CDYL2: variants seen among roughly 807,000 people sequenced by gnomAD.
The protein encoded by CDYL2 is chromodomain Y like 2, also known as chromodomain Y-like protein 2.
CDYL2 carries 23 observed loss-of-function variants against 49.4 expected under a neutral mutation model. The ratio of observed to expected loss-of-function variants is 0.47; its 90% CI spans 0.34 to 0.66. CDYL2 has a LOEUF of 0.66. CDYL2 is among the 30% of genes least tolerant of loss of function. CDYL2 has a pLI of 0.01. For missense variants in CDYL2, 678 were observed against 656.4 expected, an observed-to-expected ratio of 1.03 and a Z score of -0.36; for synonymous variants, 360 against 268.8, an observed-to-expected ratio of 1.34 and a Z score of -3.32.
At chr16:80,772,118 C>T (rs1906924856) in intron 1 of CDYL2, among the ~76,000 whole-genome samples, 1 of 152,102 alleles carries the variant, frequency 6.6e-6, no homozygotes, top group Admixed American at 6.5e-5. Context: ...TAACTGCAGT[C>T]CGATAATTCT....
chr16:80,787,877 C>A (rs574033927), intron 1 of CDYL2, among the ~76,000 whole-genome samples: 2 of 152,002 alleles, frequency 1.3e-5, no homozygotes, highest in Admixed American at 6.6e-5. Flanking sequence ...TTTTTAATGC[C>A]AAGCATGCAG....
chr16:80,778,206 T>A (rs964657193), intron 1 of CDYL2, among the ~76,000 whole-genome samples: 6 of 152,026 alleles, frequency 3.9e-5, no homozygotes, highest in African/African-American at 1.2e-4. Context: ...ACTTCTTTAA[T>A]TCATGGTGAA....
At chr16:80,632,155 G>C (rs1046842265) in intron 3 of CDYL2, among the ~76,000 whole-genome samples, 1 of 151,930 alleles carries the variant, frequency 6.6e-6, no homozygotes, top group Non-Finnish European at 1.5e-5. Context: ...ATCAAAAGTA[G>C]AAACAAGCCA....
At chr16:80,677,748 A>T (rs559314906) in intron 2 of CDYL2, among the ~76,000 whole-genome samples, 4,112 of 151,448 alleles carry the variant, frequency 0.027, 93 homozygotes, top group African/African-American at 0.057. Flanking sequence ...CAAAAAAATA[A>T]AAATAAAAAT....
At position 80,600,934 on chromosome 16, in the gene CDYL2, T is replaced by C. The variant is rs1906055527; in HGVS notation, c.*3454A>G. On this transcript the variant is annotated 3_prime_UTR_variant, in exon 7 of 7. Coordinates refer to ENST00000570137, the MANE Select transcript of CDYL2 (RefSeq NM_152342.4). ...GATTATTATTTTTCCATCCTTGTAC[T>C]AAACTTCACATGGGAAAAACATTTT... is the stretch of plus-strand genomic sequence containing the variant. 6.6e-6 allele frequency: 1 copy of C among 152,238 alleles called. No individual in the cohort carries two copies. Among genetic ancestry groups the C allele is most frequent in the African/African-American group, 2.4e-5 (1 of 41,460 alleles). 9.4% of individuals were successfully genotyped at this position (152,238 alleles called of 1,614,324 possible). A position where few individuals can be genotyped will look rare whatever the true frequency, so the allele number is the denominator to read the frequency against.
intron 1 of CDYL2, among the ~76,000 whole-genome samples, chr16:80,716,710 G>C (rs1343976084): frequency 6.6e-6 from 1 of 152,012 alleles, no homozygotes; most frequent in Non-Finnish European, 1.5e-5. Context: ...TGAATGGATA[G>C]ATATAGTGAT....
Position 80,608,152 on chromosome 16 carries a change from G to A in CDYL2, c.1302C>T (p.Pro434=), listed in dbSNP as rs1288647170. The change falls in exon 6 of 7, where the codon CCC becomes CCT. Residue 434 remains proline, a synonymous_variant. Transcript: ENST00000570137. ...SRGLVSQVFW[P]TTFSQEVMLR... Reference sequence around the variant, plus strand: ...GCATGACCTCCTGGCTGAACGTGGTGGGCCAGAAGACCTGCGACACCAGCC... The same window carrying A: ...GCATGACCTCCTGGCTGAACGTGGTAGGCCAGAAGACCTGCGACACCAGCC... 2 of 1,605,620 alleles carry A rather than the reference G, an allele frequency of 1.2e-6. No homozygotes were observed. The highest frequency in any genetic ancestry group is 2.2e-5 in the East Asian group (1 of 44,592).
chr16:80,624,072 T>C (rs1463064766), intron 3 of CDYL2, among the ~76,000 whole-genome samples: 6 of 152,052 alleles, frequency 3.9e-5, no homozygotes, highest in Non-Finnish European at 8.8e-5. Flanking sequence ...CCCTGCATAC[T>C]CCCCGACTCC....
chr16:80,680,571 C>T (rs986677183), intron 2 of CDYL2, among the ~76,000 whole-genome samples: 1 of 152,136 alleles, frequency 6.6e-6, no homozygotes, highest in South Asian at 2.1e-4. Context: ...AGCAAACCCA[C>T]CAGCTTTTCT....
intron 1 of CDYL2, among the ~76,000 whole-genome samples, chr16:80,702,834 G>A (rs780353035): frequency 1.1e-4 from 17 of 152,168 alleles, no homozygotes; most frequent in Non-Finnish European, 2.1e-4. Context: ...AGCCAGCACT[G>A]CACGCCAGAA....
chr16:80,670,763 T>A (rs1909468308), intron 2 of CDYL2, among the ~76,000 whole-genome samples: 1 of 152,120 alleles, frequency 6.6e-6, no homozygotes, highest in Admixed American at 6.5e-5. Context: ...AGAAGCCATG[T>A]TGCAACATAA....
intron 1 of CDYL2, among the ~76,000 whole-genome samples, chr16:80,781,810 G>T (rs1358734675): frequency 6.6e-6 from 1 of 151,754 alleles, no homozygotes; most frequent in Non-Finnish European, 1.5e-5. Context: ...ATGTGTCAAA[G>T]AAAAAAATCA....
At chr16:80,711,131 C>A (rs1457046441) in intron 1 of CDYL2, among the ~76,000 whole-genome samples, 2 of 152,210 alleles carry the variant, frequency 1.3e-5, no homozygotes, top group South Asian at 4.1e-4. Flanking sequence ...GCAAACTGGA[C>A]AGTGCTTGCA....
At chr16:80,715,652 A>C (rs529269624) in intron 1 of CDYL2, among the ~76,000 whole-genome samples, 29 of 151,828 alleles carry the variant, frequency 1.9e-4, no homozygotes, top group African/African-American at 6.3e-4. Flanking sequence ...TTGTGTCCCC[A>C]ACTCCCTCTC....
In CDYL2 at chr16:80,672,532, A is replaced by AG. The variant is rs1263975405; in HGVS notation, c.616+12005dup. Among the ~76,000 whole-genome samples the AG allele has an allele frequency of 3.3e-3, 469 of 142,312 alleles. 5 individuals are homozygous for AG. The highest frequency in any genetic ancestry group is 5.4e-3 in the Admixed American group (74 of 13,762). The allele number at this position is 142,312 out of a possible 152,430, so 93.4% of individuals were successfully genotyped here. A position where few individuals can be genotyped will look rare whatever the true frequency, so the allele number is the denominator to read the frequency against. On this transcript the variant is annotated intron_variant, in intron 2 of 6. Transcript: ENST00000570137. ...AAGGAAAGAAGCAAAGCAAAGGAAA[A>AG]GGAAAAGGAAAGGAAAGGAAAGGAA...
At chr16:80,785,868 T>C (rs967108689) in intron 1 of CDYL2, among the ~76,000 whole-genome samples, 1 of 152,172 alleles carries the variant, frequency 6.6e-6, no homozygotes, top group Non-Finnish European at 1.5e-5. Flanking sequence ...GGGGAAAAGA[T>C]TTCCTATTTA....
chr16:80,708,390 G>A (rs745772659), intron 1 of CDYL2, among the ~76,000 whole-genome samples: 29 of 152,162 alleles, frequency 1.9e-4, no homozygotes, highest in Non-Finnish European at 3.8e-4. Context: ...CTACCCCCAT[G>A]TAAGACGTGA....
chr16:80,679,028 T>A (rs9708779), intron 2 of CDYL2, among the ~76,000 whole-genome samples: 1 of 144,186 alleles, frequency 6.9e-6, no homozygotes, highest in Non-Finnish European at 1.5e-5. Context: ...AACCAAACAC[T>A]GCATATTCTC....
chr16:80,803,542 T>C (rs1411050349), intron 1 of CDYL2, among the ~76,000 whole-genome samples: 2 of 150,184 alleles, frequency 1.3e-5, no homozygotes, highest in Non-Finnish European at 3.0e-5. Context: ...GTGAGGGAGG[T>C]GGCCCGGGGA....
Sources: gnomAD v4.1 joint callset for allele counts (sites outside exome capture counted in the v4.1 genomes callset) on GRCh38, gnomAD v4.1.1 for gene constraint, MANE v1.5 for transcripts, NCBI Gene and HGNC (gene_info 2026-07-23, HGNC 2026-07-21) for gene names.